SPATA17: variants seen among roughly 807,000 people sequenced by gnomAD.
The protein encoded by SPATA17 is spermatogenesis-associated protein 17.
In SPATA17, 53 loss-of-function variants were observed where a neutral mutation model predicts 62.2. The observed-to-expected ratio is 0.85, with a 90% confidence interval of 0.68 to 1.07. The LOEUF is 1.07. SPATA17 is among the 50% of genes least tolerant of loss of function. The probability of loss-of-function intolerance (pLI) is 0.00; values close to 1 mark genes in which losing one functional copy is unlikely to be tolerated. For missense variants in SPATA17, 466 were observed against 425.5 expected, an observed-to-expected ratio of 1.10 and a Z score of -0.84; for synonymous variants, 146 against 146.8, an observed-to-expected ratio of 0.99 and a Z score of 0.04.
chr1:217,785,131 A>G (rs1020334504), intron 8 of SPATA17: 2 of 152,118 alleles, frequency 1.3e-5, no homozygotes, highest in African/African-American at 4.8e-5. Context: ...TGCCTTCCTC[A>G]CGTGGTGTTC....
chr1:217,838,518 T>G (rs936257356), intron 9 of SPATA17, among the ~76,000 whole-genome samples: 1 of 152,078 alleles, frequency 6.6e-6, no homozygotes, highest in Non-Finnish European at 1.5e-5. Context: ...AATATTTTAA[T>G]GAAAATAATT....
chr1:217,798,137 G>T (rs889981203), intron 8 of SPATA17, among the ~76,000 whole-genome samples: 1 of 152,148 alleles, frequency 6.6e-6, no homozygotes, highest in Non-Finnish European at 1.5e-5. Context: ...TAATTTAAAA[G>T]ATAAAACTAT....
chr1:217,817,438 G>A (rs571925246), intron 9 of SPATA17, among the ~76,000 whole-genome samples: 8 of 152,158 alleles, frequency 5.3e-5, no homozygotes, highest in African/African-American at 1.7e-4. Flanking sequence ...AGAAGGACAT[G>A]TTTGCTTCCC....
intron 9 of SPATA17, among the ~76,000 whole-genome samples, chr1:217,830,338 C>T (rs1223163015): frequency 6.6e-6 from 1 of 151,974 alleles, no homozygotes; most frequent in East Asian, 1.9e-4. Flanking sequence ...CAGTCAAATT[C>T]TTTTTTAAAT....
chr1:217,747,228 T>C (rs11117922), intron 6 of SPATA17, among the ~76,000 whole-genome samples: 27,150 of 152,116 alleles, frequency 0.18, 3,362 homozygotes, highest in East Asian at 0.54. Flanking sequence ...ATTCAGTAAC[T>C]AGTCAAACTA....
chr1:217,669,766 GTTC>G (rs1241907514), intron 4 of SPATA17, among the ~76,000 whole-genome samples: 7 of 152,158 alleles, frequency 4.6e-5, no homozygotes, highest in Admixed American at 3.3e-4. Context: ...TAATCTGTTA[GTTC>G]TTCTGCAAAT....
At chr1:217,829,031 G>A (rs1052236961) in intron 9 of SPATA17, among the ~76,000 whole-genome samples, 4 of 152,178 alleles carry the variant, frequency 2.6e-5, no homozygotes. Flanking sequence ...AAACAACACA[G>A]AGATTCCTAA....
At chr1:217,813,845 T>C (rs1157363570) in intron 9 of SPATA17, among the ~76,000 whole-genome samples, 1 of 152,054 alleles carries the variant, frequency 6.6e-6, no homozygotes, top group African/African-American at 2.4e-5. Context: ...TATACTCTAG[T>C]CTACTATGCA....
chr1:217,636,852 G>T (rs1353733448), intron 1 of SPATA17, among the ~76,000 whole-genome samples: 1 of 152,116 alleles, frequency 6.6e-6, no homozygotes, highest in East Asian at 1.9e-4. Context: ...AATCAAATCT[G>T]CTTGTGTCAA....
At chr1:217,633,603 A>T (rs963234075) in intron 1 of SPATA17, among the ~76,000 whole-genome samples, 10 of 152,134 alleles carry the variant, frequency 6.6e-5, no homozygotes, top group Non-Finnish European at 1.3e-4. Context: ...ACTAAACAAA[A>T]TTTTCTTCCC....
Position 217,670,946 on chromosome 1 carries a change from G to A in SPATA17, c.291+1863G>A, listed in dbSNP as rs527627643. 1.6e-4 allele frequency among the ~76,000 whole-genome samples: 19 copies of A among 122,494 alleles called. 1 individual carries two copies. The South Asian group carries it at 3.9e-3, about 25-fold the overall frequency. 80.4% of individuals were successfully genotyped at this position (122,494 alleles called of 152,430 possible). A position where few individuals can be genotyped will look rare whatever the true frequency, so the allele number is the denominator to read the frequency against. Reference sequence around the variant, plus strand: ...AGCCTGGGTGACAGAGCAAGACTCCGTCTCAGGAAAAAAAAAAAAAAAAAA... The same window carrying A: ...AGCCTGGGTGACAGAGCAAGACTCCATCTCAGGAAAAAAAAAAAAAAAAAA... On this transcript the variant is annotated intron_variant, in intron 4 of 10. Transcript: ENST00000366933.
chr1:217,655,302 G>T (rs937374288), intron 3 of SPATA17, among the ~76,000 whole-genome samples: 3 of 152,076 alleles, frequency 2.0e-5, no homozygotes, highest in Non-Finnish European at 2.9e-5. Context: ...ATTTTTGCTT[G>T]CTAGTGTTTC....
intron 7 of SPATA17, among the ~76,000 whole-genome samples, chr1:217,778,807 G>C (rs993917228): frequency 6.6e-6 from 1 of 151,984 alleles, no homozygotes; most frequent in Non-Finnish European, 1.5e-5. Context: ...TTATTGCCCT[G>C]CTTTTAATAT....
At chr1:217,840,148 G>T (rs963684942) in intron 9 of SPATA17, among the ~76,000 whole-genome samples, 2 of 152,082 alleles carry the variant, frequency 1.3e-5, no homozygotes, top group African/African-American at 4.8e-5. Flanking sequence ...TTGTAAGACA[G>T]CTAGATAAAA....
At chr1:217,674,004 T>C (rs1670889649) in intron 4 of SPATA17, among the ~76,000 whole-genome samples, 1 of 152,158 alleles carries the variant, frequency 6.6e-6, no homozygotes, top group Non-Finnish European at 1.5e-5. Flanking sequence ...AAATGACATA[T>C]ATCTTATACC....
intron 1 of SPATA17, among the ~76,000 whole-genome samples, chr1:217,640,144 T>C (rs1670027088): frequency 6.6e-6 from 1 of 151,582 alleles, no homozygotes; most frequent in Non-Finnish European, 1.5e-5. Context: ...TGTGTTTATG[T>C]GCATGTATTG....
At chr1:217,703,500 C>G (rs1249997276) in intron 5 of SPATA17, among the ~76,000 whole-genome samples, 1 of 152,138 alleles carries the variant, frequency 6.6e-6, no homozygotes, top group African/African-American at 2.4e-5. Flanking sequence ...CCTAAATTGT[C>G]ACTGACGTAC....
At chr1:217,816,715 G>A (rs1161712746) in intron 9 of SPATA17, among the ~76,000 whole-genome samples, 4 of 151,902 alleles carry the variant, frequency 2.6e-5, no homozygotes, top group African/African-American at 7.2e-5. Context: ...TTTTGAGTGA[G>A]GTAATTATTG....
intron 9 of SPATA17, among the ~76,000 whole-genome samples, chr1:217,861,364 T>C (rs1258775435): frequency 6.8e-5 from 10 of 148,002 alleles, no homozygotes; most frequent in African/African-American, 2.5e-4. Context: ...GCAGGTCTAC[T>C]TTTTTGAAAA....
Sources: gnomAD v4.1 joint callset for allele counts (sites outside exome capture counted in the v4.1 genomes callset) on GRCh38, gnomAD v4.1.1 for gene constraint, MANE v1.5 for transcripts, NCBI Gene and HGNC (gene_info 2026-07-23, HGNC 2026-07-21) for gene names.